The following CDH8 variants were observed in gnomAD, a reference collection of about 807,000 sequenced individuals.
CDH8 encodes cadherin-8.
A neutral mutation model predicts 68.1 loss-of-function variants in CDH8; 17 were observed. The observed-to-expected ratio is 0.25, with a 90% CI of 0.17 to 0.37. The LOEUF is 0.37. Ranked by LOEUF, CDH8 falls within the 10% of genes least tolerant of loss-of-function variation. CDH8 has a pLI of 1.00. For missense variants in CDH8, 763 were observed against 999.3 expected (o/e 0.76, Z 3.19); for synonymous variants, 372 against 365.1 (o/e 1.02, Z -0.21).
chr16:61,864,618 G>C lies in CDH8; in HGVS notation c.548-7380C>G, dbSNP rs545230118. 5.9e-5 allele frequency among the ~76,000 whole-genome samples: 9 copies of C among 152,142 alleles called. No individual in the cohort carries two copies. The South Asian group carries it at 6.2e-4, about 11-fold the overall frequency. On this transcript the variant is annotated intron_variant, in intron 3 of 11. Coordinates refer to ENST00000577390, the MANE Select transcript of CDH8 (RefSeq NM_001796.5). ...GCTACCAAATATCCAAACCTCCAAG[G>C]GGCAACTTAGGCGTGTCTTTGCAGG...
chr16:61,988,180 A>G (rs879730578), intron 2 of CDH8, among the ~76,000 whole-genome samples: 2 of 152,158 alleles, frequency 1.3e-5, no homozygotes, highest in Non-Finnish European at 2.9e-5. Flanking sequence ...TTAAAGGCAA[A>G]GGGAAACTCA....
chr16:61,739,906 TA>T lies in CDH8; in HGVS notation c.1415-12692del, dbSNP rs1567448233. Among the ~76,000 whole-genome samples, 445 of 83,862 alleles carry T rather than the reference TA, an allele frequency of 5.3e-3. 6 individuals carry two copies. Among genetic ancestry groups the T allele is most frequent in the South Asian group, 0.017 (45 of 2,582 alleles). 55.0% of individuals were successfully genotyped at this position (83,862 alleles called of 152,430 possible). ...TTCCATATATATATATATATATATA[TA>T]TATATGTATTTTTTTTTTTGAGACA... On this transcript the variant is annotated intron_variant, in intron 8 of 11. Coordinates refer to ENST00000577390, the MANE Select transcript of CDH8 (RefSeq NM_001796.5).
At chr16:61,960,037 C>A (rs1380014883) in intron 2 of CDH8, among the ~76,000 whole-genome samples, 2 of 87,880 alleles carry the variant, frequency 2.3e-5, no homozygotes, top group African/African-American at 5.3e-5. Context: ...CACACACACA[C>A]AACATATATG....
At chr16:61,779,761 C>T (rs748547260) in intron 8 of CDH8, among the ~76,000 whole-genome samples, 8 of 152,100 alleles carry the variant, frequency 5.3e-5, no homozygotes, top group Non-Finnish European at 7.4e-5. Context: ...AATATTCTTA[C>T]TCTCCATAAT....
At chr16:61,961,269 C>T (rs998792507) in intron 2 of CDH8, among the ~76,000 whole-genome samples, 1 of 151,852 alleles carries the variant, frequency 6.6e-6, no homozygotes, top group Non-Finnish European at 1.5e-5. Context: ...GAGCTGATAT[C>T]GCACCACTGC....
rs373135876 is a variant in CDH8 at position 61,955,060 on chromosome 16, T to A, written c.253-53587A>T. Among the ~76,000 whole-genome samples the A allele has an allele frequency of 5.3e-5, 8 of 152,338 alleles. No individual in the cohort carries two copies. The East Asian group carries it at 1.2e-3, about 22-fold the overall frequency. Reference sequence around the variant, plus strand: ...AATGGCATTACCAAGTCCATAGACCTACTAAATGTGTAAGAAAAGGATTTG... The same window carrying A: ...AATGGCATTACCAAGTCCATAGACCAACTAAATGTGTAAGAAAAGGATTTG... On this transcript the variant is annotated intron_variant, in intron 2 of 11. Coordinates refer to ENST00000577390, the MANE Select transcript of CDH8 (RefSeq NM_001796.5).
At chr16:61,918,943 T>G (rs570078052) in intron 2 of CDH8, among the ~76,000 whole-genome samples, 23 of 148,320 alleles carry the variant, frequency 1.6e-4, no homozygotes, top group African/African-American at 4.0e-4. Flanking sequence ...AGAGCAGTGG[T>G]TCTCCCAGCA....
intron 10 of CDH8, among the ~76,000 whole-genome samples, chr16:61,712,426 G>C (rs1964647731): frequency 6.6e-6 from 1 of 151,622 alleles, no homozygotes; most frequent in Non-Finnish European, 1.5e-5. Context: ...CTTATTCATG[G>C]AGAATTTTAA....
chr16:61,975,188 T>C (rs930327450), intron 2 of CDH8, among the ~76,000 whole-genome samples: 2 of 151,936 alleles, frequency 1.3e-5, no homozygotes, highest in Non-Finnish European at 2.9e-5. Flanking sequence ...GGTTCAGTAA[T>C]GGTCCATGGG....
At chr16:61,827,089 C>A (rs1431603015) in intron 4 of CDH8, among the ~76,000 whole-genome samples, 1 of 151,780 alleles carries the variant, frequency 6.6e-6, no homozygotes, top group African/African-American at 2.4e-5. Flanking sequence ...AAGCAAAAAA[C>A]AGCAACAAAG....
At chr16:61,782,393 C>T (rs1340524883) in intron 8 of CDH8, among the ~76,000 whole-genome samples, 9 of 151,870 alleles carry the variant, frequency 5.9e-5, no homozygotes, top group African/African-American at 1.7e-4. Context: ...GCTTAAAAAA[C>T]GGCGCACCAC....
intron 2 of CDH8, among the ~76,000 whole-genome samples, chr16:62,000,957 T>C (rs1965883667): frequency 6.6e-6 from 1 of 152,218 alleles, no homozygotes; most frequent in African/African-American, 2.4e-5. Flanking sequence ...TTATGTCCTA[T>C]TCTAAGTGCT....
chr16:61,888,940 A>G (rs990811656), intron 3 of CDH8, among the ~76,000 whole-genome samples: 8 of 152,216 alleles, frequency 5.3e-5, no homozygotes, highest in Non-Finnish European at 1.2e-4. Context: ...ACATGGTTAT[A>G]AAGAGAAGAC....
intron 1 of CDH8, among the ~76,000 whole-genome samples, chr16:62,022,223 T>A (rs1410000065): frequency 6.6e-6 from 1 of 152,140 alleles, no homozygotes; most frequent in Non-Finnish European, 1.5e-5. Flanking sequence ...CAGAAGGGAT[T>A]GCCCAGTTCA....
intron 2 of CDH8, among the ~76,000 whole-genome samples, chr16:61,955,687 A>T (rs1964976140): frequency 6.6e-6 from 1 of 152,202 alleles, no homozygotes; most frequent in African/African-American, 2.4e-5. Context: ...AACTCTGGAT[A>T]ACTTTAAACA....
At chr16:61,797,141 T>C (rs947274618) in intron 7 of CDH8, among the ~76,000 whole-genome samples, 15 of 152,048 alleles carry the variant, frequency 9.9e-5, no homozygotes, top group Non-Finnish European at 1.8e-4. Context: ...CATATATTTA[T>C]TTAAAGCATC....
chr16:62,030,001 G>T (rs943726180), intron 1 of CDH8, among the ~76,000 whole-genome samples: 1 of 152,176 alleles, frequency 6.6e-6, no homozygotes, highest in Admixed American at 6.5e-5. Flanking sequence ...TGCAGCCAAC[G>T]ATCCTAGTAT....
intron 3 of CDH8, among the ~76,000 whole-genome samples, chr16:61,862,153 A>T (rs931460665): frequency 6.6e-6 from 1 of 151,890 alleles, no homozygotes; most frequent in Non-Finnish European, 1.5e-5. Context: ...ACACACACAC[A>T]CACACACACA....
chr16:61,696,611 T>C (rs905984722), intron 10 of CDH8, among the ~76,000 whole-genome samples: 28 of 152,208 alleles, frequency 1.8e-4, no homozygotes, highest in African/African-American at 5.3e-4. Flanking sequence ...TTATTGGGTA[T>C]ATACTCAAAG....
Sources: allele counts gnomAD v4.1 joint callset (sites outside exome capture counted in the v4.1 genomes callset), GRCh38; gene constraint gnomAD v4.1.1; transcripts MANE v1.5; gene names NCBI Gene and HGNC (gene_info 2026-07-23, HGNC 2026-07-21).